TMEM131: variants seen among roughly 807,000 people sequenced by gnomAD.
TMEM131 encodes 2610524E03Rik.
TMEM131 carries 66 observed loss-of-function variants against 211.6 expected under a neutral mutation model. The observed-to-expected ratio is 0.31, with a 90% confidence interval of 0.26 to 0.38. TMEM131 has a LOEUF of 0.38. Ranked by LOEUF, TMEM131 falls within the 10% of genes least tolerant of loss-of-function variation. TMEM131 has a pLI of 1.00. For synonymous variants in TMEM131, 844 were observed against 841.3 expected (o/e 1.00, Z -0.06); for missense variants, 2,036 against 2,299.3 (o/e 0.89, Z 2.34).
At chr2:97,815,858 G>A (rs78029183) in intron 12 of TMEM131, among the ~76,000 whole-genome samples, 6,264 of 152,176 alleles carry the variant, frequency 0.041, 228 homozygotes, top group African/African-American at 0.096. Flanking sequence ...AACATTTCTT[G>A]TATGGCCAAA....
intron 8 of TMEM131, among the ~76,000 whole-genome samples, chr2:97,835,454 T>C (rs80267149): frequency 0.012 from 1,818 of 152,326 alleles, 40 homozygotes; most frequent in African/African-American, 0.041. Flanking sequence ...ACTGCATTCA[T>C]GTAAGACAGC....
intron 3 of TMEM131, among the ~76,000 whole-genome samples, chr2:97,908,275 G>GT (rs1469452151): frequency 6.6e-6 from 1 of 152,278 alleles, no homozygotes; most frequent in East Asian, 1.9e-4. Context: ...GGTTTCGCAG[G>GT]TCTGAGATCC....
intron 2 of TMEM131, among the ~76,000 whole-genome samples, chr2:97,911,910 A>G (rs1676307438): frequency 6.6e-6 from 1 of 152,184 alleles, no homozygotes; most frequent in African/African-American, 2.4e-5. Context: ...ATTGAGCCCC[A>G]TTATCAAGAG....
At chr2:97,803,351 T>C (rs942938118) in intron 22 of TMEM131, among the ~76,000 whole-genome samples, 1 of 152,180 alleles carries the variant, frequency 6.6e-6, no homozygotes. Flanking sequence ...AATGAAGACA[T>C]CAGTTGACAA....
At chr2:97,863,642 T>C (rs891658165) in intron 4 of TMEM131, among the ~76,000 whole-genome samples, 1 of 152,076 alleles carries the variant, frequency 6.6e-6, no homozygotes, top group African/African-American at 2.4e-5. Context: ...AAGAGGTATA[T>C]AAAAAATGCT....
intron 39 of TMEM131, 156 bp downstream of exon 39, chr2:97,759,495 AG>A: frequency 1.6e-6 from 1 of 628,044 alleles, no homozygotes; most frequent in South Asian, 2.0e-5. Flanking sequence ...GGTGTGGATG[AG>A]GGAGGAAGAG....
At chr2:97,849,472 A>G (rs1011272702) in intron 5 of TMEM131, among the ~76,000 whole-genome samples, 5 of 152,176 alleles carry the variant, frequency 3.3e-5, no homozygotes, top group African/African-American at 1.2e-4. Flanking sequence ...TAAAAATGCT[A>G]TATGCTACAT....
intron 31 of TMEM131, among the ~76,000 whole-genome samples, chr2:97,783,864 G>A (rs750390415): frequency 1.8e-4 from 28 of 151,780 alleles, no homozygotes; most frequent in African/African-American, 3.9e-4. Flanking sequence ...TATAAGAAAC[G>A]TACTTCAAAT....
intron 3 of TMEM131, among the ~76,000 whole-genome samples, chr2:97,903,831 A>G (rs1365797406): frequency 6.6e-6 from 1 of 151,938 alleles, no homozygotes; most frequent in Non-Finnish European, 1.5e-5. Flanking sequence ...TTACAGGCGC[A>G]TTTTGTATTT....
chr2:97,928,057 G>A (rs998056246), intron 1 of TMEM131, among the ~76,000 whole-genome samples: 4 of 152,112 alleles, frequency 2.6e-5, no homozygotes, highest in South Asian at 2.1e-4. Context: ...TCTGGCGATC[G>A]TGCTTCTGGT....
chr2:97,836,502 T>C (rs757388792), intron 8 of TMEM131, among the ~76,000 whole-genome samples: 2 of 152,232 alleles, frequency 1.3e-5, no homozygotes, highest in Non-Finnish European at 2.9e-5. Context: ...AGAATCTTTA[T>C]AAATAAGGTT....
chr2:97,951,140 G>GAA (rs1018580354), intron 1 of TMEM131, among the ~76,000 whole-genome samples: 2 of 149,354 alleles, frequency 1.3e-5, no homozygotes, highest in East Asian at 3.9e-4. Flanking sequence ...ATTGTAACAG[G>GAA]AAAAAAAAAA....
chr2:97,789,634 A>AC (rs1282698942), intron 31 of TMEM131, among the ~76,000 whole-genome samples: 2 of 152,324 alleles, frequency 1.3e-5, no homozygotes, highest in Non-Finnish European at 2.9e-5. Context: ...CCCTTGATAA[A>AC]GCCAAAGCCA....
intron 1 of TMEM131, among the ~76,000 whole-genome samples, chr2:97,990,659 A>C (rs374639273): frequency 2.6e-5 from 4 of 152,228 alleles, no homozygotes; most frequent in African/African-American, 7.2e-5. Flanking sequence ...TACAAGGAAA[A>C]GCAACATGTG....
chr2:97,766,708 T>C, intron 33 of TMEM131, 106 bp from the exon 34 acceptor site: 10 of 1,366,118 alleles, frequency 7.3e-6, no homozygotes, highest in Non-Finnish European at 1.0e-5. Flanking sequence ...TGCAGGAAGC[T>C]AATGTGGCTT....
intron 5 of TMEM131, among the ~76,000 whole-genome samples, chr2:97,847,895 A>C (rs945662233): frequency 6.6e-6 from 1 of 152,078 alleles, no homozygotes; most frequent in Non-Finnish European, 1.5e-5. Flanking sequence ...AGAACATTAT[A>C]AAAAAAACTC....
intron 1 of TMEM131, among the ~76,000 whole-genome samples, chr2:97,942,724 G>A (rs547452548): frequency 6.3e-4 from 96 of 152,020 alleles, no homozygotes; most frequent in African/African-American, 2.2e-3. Flanking sequence ...AAGTTTCCCC[G>A]CAAAGAATAG....
intron 1 of TMEM131, among the ~76,000 whole-genome samples, chr2:97,934,702 C>T (rs942743947): frequency 4.6e-5 from 7 of 152,156 alleles, no homozygotes; most frequent in Admixed American, 2.0e-4. Flanking sequence ...CACCTAGAAA[C>T]AGAACCATAT....
chr2:97,803,564 C>G (rs61022501), intron 22 of TMEM131, among the ~76,000 whole-genome samples: 2,363 of 152,294 alleles, frequency 0.016, 67 homozygotes, highest in African/African-American at 0.054. Flanking sequence ...ACCCCTAACT[C>G]TATTGTTGTA....
Sources: gnomAD v4.1 joint callset for allele counts (sites outside exome capture counted in the v4.1 genomes callset) on GRCh38, gnomAD v4.1.1 for gene constraint, MANE v1.5 for transcripts, NCBI Gene and HGNC (gene_info 2026-07-23, HGNC 2026-07-21) for gene names.